The following TMPRSS9 variants were observed in gnomAD, a reference collection of about 807,000 sequenced individuals.
The protein encoded by TMPRSS9 is transmembrane protease serine 9.
Under a neutral mutation model 111.4 loss-of-function variants are expected in TMPRSS9, and 113 were observed. The ratio of observed to expected loss-of-function variants is 1.01; its 90% CI spans 0.87 to 1.19. The LOEUF (loss-of-function observed/expected upper bound fraction) is 1.19, where lower values mean the gene tolerates loss of function less well. Among genes scored for constraint, TMPRSS9 ranks in the 50% most tolerant of loss-of-function variants. The probability of loss-of-function intolerance (pLI) is 0.00; values close to 1 mark genes in which losing one functional copy is unlikely to be tolerated. For synonymous variants in TMPRSS9, 805 were observed against 659.1 expected, an observed-to-expected ratio of 1.22 and a Z score of -3.39; for missense variants, 1,803 against 1,513.1, an observed-to-expected ratio of 1.19 and a Z score of -3.18.
At chr19:2,379,049 G>A (rs957842381) in intron 1 of TMPRSS9, among the ~76,000 whole-genome samples, 1 of 152,092 alleles carries the variant, frequency 6.6e-6, no homozygotes, top group Non-Finnish European at 1.5e-5. Context: ...TTTGGGTGGG[G>A]ACACAGCCAA....
intron 6 of TMPRSS9, among the ~76,000 whole-genome samples, chr19:2,404,990 A>C (rs1271268972): frequency 1.3e-5 from 2 of 152,046 alleles, no homozygotes; most frequent in Non-Finnish European, 2.9e-5. Context: ...CTGTGATGAT[A>C]ATTATTATAT....
Position 2,408,650 on chromosome 19 carries a change from T to C in TMPRSS9, c.1117+20T>C, listed in dbSNP as rs369969016. 1.9e-6 allele frequency: 3 copies of C among 1,599,172 alleles called. No homozygotes were observed. The African/African-American group carries it at 4.0e-5, about 21-fold the overall frequency. On this transcript the variant is annotated intron_variant, in intron 8 of 17. Transcript: ENST00000648592. ...ACTTCCGTAAGCATCTTCCTCGGCC[T>C]GCAAGTGAGCTCAGGCAGGCAGGCG...
exon 10 of TMPRSS9, chr19:2,413,768 C>T (rs1384609106): frequency 2.5e-6 from 4 of 1,613,814 alleles, no homozygotes; most frequent in Admixed American, 1.7e-5. Flanking sequence ...GCATCGTGAG[C>T]TGGGGAATCG....
At chr19:2,397,732 C>T (rs938625100) in intron 2 of TMPRSS9, among the ~76,000 whole-genome samples, 54 of 151,536 alleles carry the variant, frequency 3.6e-4, no homozygotes, top group Non-Finnish European at 3.7e-4. Context: ...CCAGCCTGAG[C>T]AACATGACAA....
chr19:2,375,425 G>A (rs1049191175), intron 1 of TMPRSS9, among the ~76,000 whole-genome samples: 1 of 146,190 alleles, frequency 6.8e-6, no homozygotes, highest in Non-Finnish European at 1.5e-5. Context: ...GATGGGGATG[G>A]AGGGGTAGGC....
At chr19:2,412,336 G>A (rs2145364829) in intron 9 of TMPRSS9, among the ~76,000 whole-genome samples, 1 of 152,242 alleles carries the variant, frequency 6.6e-6, no homozygotes, top group African/African-American at 2.4e-5. Context: ...CCCAGGAGGT[G>A]GAGGTTGCAG....
At chr19:2,412,087 C>T (rs1971108215) in intron 9 of TMPRSS9, among the ~76,000 whole-genome samples, 1 of 151,898 alleles carries the variant, frequency 6.6e-6, no homozygotes, top group South Asian at 2.1e-4. Context: ...GATTGGAATC[C>T]CTCAACTGGT....
intron 1 of TMPRSS9, among the ~76,000 whole-genome samples, chr19:2,380,598 C>CA (rs112276283): frequency 0.063 from 6,971 of 110,856 alleles, 316 homozygotes; most frequent in South Asian, 0.12. Context: ...AAGACTCCAC[C>CA]AAAAAAAAAA....
At chr19:2,379,181 CTTTTTTTTTTT>C (rs919990556) in intron 1 of TMPRSS9, among the ~76,000 whole-genome samples, 1 of 99,422 alleles carries the variant, frequency 1.0e-5, no homozygotes, top group African/African-American at 4.7e-5. Flanking sequence ...GCTTCTTTCT[CTTTTTTTTTTT>C]TTTTTTTTTT....
At chr19:2,380,862 G>A (rs1970380254) in intron 1 of TMPRSS9, among the ~76,000 whole-genome samples, 1 of 152,088 alleles carries the variant, frequency 6.6e-6, no homozygotes, top group East Asian at 1.9e-4. Context: ...CTGCCACAGG[G>A]ATTCTAGATA....
chr19:2,385,140 CA>C (rs1970449059), upstream of TMPRSS9, among the ~76,000 whole-genome samples: 2 of 116,542 alleles, frequency 1.7e-5, no homozygotes, highest in South Asian at 2.6e-4. Flanking sequence ...CCGGAGCTCG[CA>C]GGGGGCGGAG....
At chr19:2,379,615 C>CCCTTTCTT (rs1555676514) in intron 1 of TMPRSS9, among the ~76,000 whole-genome samples, 16 of 118,620 alleles carry the variant, frequency 1.3e-4, no homozygotes, top group South Asian at 3.0e-4. Context: ...AACTTTCTTT[C>CCCTTTCTT]TCTTTCTTTC....
At chr19:2,390,569 A>T (rs2145284368) in intron 1 of TMPRSS9, among the ~76,000 whole-genome samples, 1 of 149,686 alleles carries the variant, frequency 6.7e-6, no homozygotes, top group South Asian at 2.2e-4. Context: ...AAAACCGAGC[A>T]ACTGGGTTGG....
At chr19:2,409,701 C>T (rs562826153) in intron 8 of TMPRSS9, among the ~76,000 whole-genome samples, 65 of 151,978 alleles carry the variant, frequency 4.3e-4, no homozygotes, top group African/African-American at 1.2e-3. Flanking sequence ...TTTCAGACAG[C>T]GGGAACAGCA....
chr19:2,425,624 GC>G, intron 17 of TMPRSS9, 131 bp downstream of exon 18: 4 of 1,373,882 alleles, frequency 2.9e-6, no homozygotes, highest in Non-Finnish European at 3.8e-6. Flanking sequence ...CAAGCAGGGA[GC>G]CTTTTTGGCT....
rs1482227851 is a variant in TMPRSS9 at position 2,413,995 on chromosome 19, G to A, written c.1550G>A (p.Trp517Ter). 1.3e-6 allele frequency: 2 copies of A among 1,599,984 alleles called. No homozygotes were observed. Among genetic ancestry groups the A allele is most frequent in the South Asian group, 2.2e-5 (2 of 89,644 alleles). ...GCCCTCAGTACCGTGCCTCTTGACTGGGTCACCGTTCCTAAGCTACAAGGT... is the reference window on the plus strand; with the variant it reads ...GCCCTCAGTACCGTGCCTCTTGACTAGGTCACCGTTCCTAAGCTACAAGGT... Residue 517 changes from tryptophan (W) to a stop codon, truncating the protein, a stop_gained, in exon 10 of 18, where the codon TGG becomes TAG. Coordinates refer to ENST00000648592, the Ensembl canonical transcript of TMPRSS9. LOFTEE classifies it high-confidence loss of function.
At chr19:2,379,630 T>TTTCC (rs1970367974) in intron 1 of TMPRSS9, among the ~76,000 whole-genome samples, 2 of 143,814 alleles carry the variant, frequency 1.4e-5, no homozygotes, top group African/African-American at 5.4e-5. Context: ...TCTTTCTTTC[T>TTTCC]TTCTTTCTTT....
intron 4 of TMPRSS9, among the ~76,000 whole-genome samples, 185 bp from the exon 6 acceptor site, chr19:2,401,790 T>G (rs1166616577): frequency 6.6e-6 from 1 of 151,398 alleles, no homozygotes; most frequent in African/African-American, 2.4e-5. Context: ...GTATTTTTAG[T>G]AGAGACAGGG....
chr19:2,403,483 AC>A (rs1336367037), intron 6 of TMPRSS9, among the ~76,000 whole-genome samples: 2 of 152,094 alleles, frequency 1.3e-5, no homozygotes, highest in Non-Finnish European at 2.9e-5. Context: ...AGTGTTGAAT[AC>A]CAGGAACTGG....
Sources: gnomAD v4.1 joint callset for allele counts (sites outside exome capture counted in the v4.1 genomes callset) on GRCh38, gnomAD v4.1.1 for gene constraint, MANE v1.5 for transcripts, NCBI Gene and HGNC (gene_info 2026-07-23, HGNC 2026-07-21) for gene names.